Variants in PDE10A observed in about 807,000 individuals in gnomAD.
PDE10A encodes cAMP and cAMP-inhibited cGMP 3',5'-cyclic phosphodiesterase 10A.
A neutral mutation model predicts 97.7 loss-of-function variants in PDE10A; 39 were observed. The ratio of observed to expected loss-of-function variants is 0.40; its 90% confidence interval spans 0.31 to 0.52. The LOEUF (loss-of-function observed/expected upper bound fraction) is 0.52. Ranked by LOEUF, PDE10A falls within the 20% of genes least tolerant of loss-of-function variation. PDE10A has a pLI of 0.56. For synonymous variants in PDE10A, 371 were observed against 376.8 expected (o/e 0.98, Z 0.18); for missense variants, 731 against 1,047.8 (o/e 0.70, Z 4.17).
At chr6:165,559,369 G>C (rs1784413740) in intron 1 of PDE10A, among the ~76,000 whole-genome samples, 1 of 152,298 alleles carries the variant, frequency 6.6e-6, no homozygotes, top group South Asian at 2.1e-4. Context: ...AAGTGGATTA[G>C]ATTTCCCAGG....
At chr6:165,429,345 T>C (rs923321722) in intron 9 of PDE10A, among the ~76,000 whole-genome samples, 2 of 152,018 alleles carry the variant, frequency 1.3e-5, no homozygotes, top group Non-Finnish European at 1.5e-5. Flanking sequence ...GTATGGAAAA[T>C]GTAAAGAAGG....
intron 13 of PDE10A, among the ~76,000 whole-genome samples, chr6:165,408,298 A>G (rs1448439330): frequency 6.6e-6 from 1 of 152,240 alleles, no homozygotes; most frequent in Non-Finnish European, 1.5e-5. Context: ...TTCTCTAGAA[A>G]GTAGAACATT....
intron 1 of PDE10A, chr6:165,910,662 C>T (rs1428660824): frequency 6.6e-6 from 1 of 152,070 alleles, no homozygotes; most frequent in African/African-American, 2.4e-5. Context: ...TCCACCCCAC[C>T]CTCAATATAC....
At chr6:165,622,379 G>A (rs1160353832) in intron 1 of PDE10A, among the ~76,000 whole-genome samples, 9 of 152,146 alleles carry the variant, frequency 5.9e-5, no homozygotes, top group Non-Finnish European at 1.2e-4. Flanking sequence ...ACATCACAGA[G>A]TGGACTTACA....
At chr6:165,673,897 A>G (rs1790717676) in intron 1 of PDE10A, among the ~76,000 whole-genome samples, 1 of 152,244 alleles carries the variant, frequency 6.6e-6, no homozygotes, top group African/African-American at 2.4e-5. Context: ...TCCAAATAAT[A>G]AAGAATATTA....
At chr6:165,486,526 G>A (rs1239357380) in intron 2 of PDE10A, among the ~76,000 whole-genome samples, 1 of 152,164 alleles carries the variant, frequency 6.6e-6, no homozygotes, top group Non-Finnish European at 1.5e-5. Flanking sequence ...AATGTCACGT[G>A]AACAACGTTC....
At chr6:165,944,922 G>A (rs944528167) in intron 1 of PDE10A, among the ~76,000 whole-genome samples, 1 of 152,214 alleles carries the variant, frequency 6.6e-6, no homozygotes, top group Non-Finnish European at 1.5e-5. Context: ...AGAAGGCAGG[G>A]CTTCAATTTC....
Position 165,336,751 on chromosome 6 carries a change from G to A in PDE10A, c.2977-540C>T, listed in dbSNP as rs532785744. Among the ~76,000 whole-genome samples the A allele has an allele frequency of 1.4e-4, 15 of 106,652 alleles. No individual in the cohort carries two copies. The South Asian group carries it at 2.8e-3, about 20-fold the overall frequency. The allele number at this position is 106,652 out of a possible 152,430, so 70.0% of individuals were successfully genotyped here. A position where few individuals can be genotyped will look rare whatever the true frequency, so the allele number is the denominator to read the frequency against. ...GGCCTGGGCGACAGAGCGAGACTCC[G>A]TCTCAAAAAAAAAAAAAAAAAAAAA... On this transcript the variant is annotated intron_variant, in intron 20 of 21. Transcript: ENST00000539869.
At chr6:165,600,599 A>G (rs1440211043) in intron 1 of PDE10A, among the ~76,000 whole-genome samples, 3 of 152,170 alleles carry the variant, frequency 2.0e-5, no homozygotes, top group Non-Finnish European at 4.4e-5. Context: ...TAACCCCAGC[A>G]GCATCTAGTC....
At chr6:165,506,326 C>T (rs983932638) in intron 2 of PDE10A, among the ~76,000 whole-genome samples, 2 of 152,090 alleles carry the variant, frequency 1.3e-5, no homozygotes, top group South Asian at 4.1e-4. Flanking sequence ...CGGTTGATTT[C>T]AGTATTCTAT....
At chr6:165,812,640 G>A (rs2128467558) in intron 1 of PDE10A, among the ~76,000 whole-genome samples, 1 of 152,280 alleles carries the variant, frequency 6.6e-6, no homozygotes, top group Non-Finnish European at 1.5e-5. Context: ...TAATTATGGT[G>A]TGGTGAAATA....
chr6:165,827,456 G>C (rs1015633418), intron 1 of PDE10A, among the ~76,000 whole-genome samples: 6 of 152,190 alleles, frequency 3.9e-5, no homozygotes, highest in African/African-American at 1.4e-4. Context: ...TCAACAAAAC[G>C]AACCGAGTAT....
chr6:165,887,252 A>G (rs902859587), intron 1 of PDE10A, among the ~76,000 whole-genome samples: 2 of 152,108 alleles, frequency 1.3e-5, no homozygotes, highest in African/African-American at 4.8e-5. Context: ...TACTAACACT[A>G]CCTGCCTTGA....
intron 2 of PDE10A, among the ~76,000 whole-genome samples, chr6:165,535,185 C>A (rs999460302): frequency 1.6e-4 from 25 of 151,706 alleles, no homozygotes; most frequent in African/African-American, 5.6e-4. Flanking sequence ...AAAGCAATCC[C>A]ATTTACAATA....
intron 1 of PDE10A, among the ~76,000 whole-genome samples, chr6:165,749,189 G>A (rs62424942): frequency 0.32 from 697 of 2,168 alleles, 176 homozygotes; most frequent in East Asian, 0.44. Context: ...CACTATCACT[G>A]TCATCACCAT....
At position 165,583,541 on chromosome 6, in the gene PDE10A, C is replaced by T. The variant is rs77274579; in HGVS notation, c.866-39973G>A. Among the ~76,000 whole-genome samples the T allele has an allele frequency of 2.4e-3, 360 of 152,336 alleles. 2 individuals carry two copies. Among genetic ancestry groups the T allele is most frequent in the African/African-American group, 8.4e-3 (351 of 41,582 alleles). ...TATAACTTCAAGGTATTCCACACAGCATTCCTTCTAATCAAGGAACTTACT... is the reference window on the plus strand; with the variant it reads ...TATAACTTCAAGGTATTCCACACAGTATTCCTTCTAATCAAGGAACTTACT... On this transcript the variant is annotated intron_variant, in intron 1 of 21. Transcript: ENST00000539869.
At chr6:165,816,032 C>G (rs755549154) in intron 1 of PDE10A, among the ~76,000 whole-genome samples, 1 of 152,012 alleles carries the variant, frequency 6.6e-6, no homozygotes, top group Non-Finnish European at 1.5e-5. Context: ...TCACTGCAAG[C>G]TCTGCCTCCC....
intron 1 of PDE10A, among the ~76,000 whole-genome samples, chr6:165,811,075 T>G (rs927764498): frequency 6.6e-6 from 1 of 151,972 alleles, no homozygotes; most frequent in Non-Finnish European, 1.5e-5. Flanking sequence ...AATACAAAAA[T>G]TAGCTGGGCG....
intron 18 of PDE10A, among the ~76,000 whole-genome samples, chr6:165,357,655 T>A (rs1209132249): frequency 6.6e-6 from 1 of 152,156 alleles, no homozygotes; most frequent in East Asian, 1.9e-4. Context: ...TATTAGCATA[T>A]TATTTATAAT....
Sources: allele counts gnomAD v4.1 joint callset (sites outside exome capture counted in the v4.1 genomes callset), GRCh38; gene constraint gnomAD v4.1.1; transcripts MANE v1.5; gene names NCBI Gene and HGNC (gene_info 2026-07-23, HGNC 2026-07-21).